The following SIPA1L3 variants were observed in gnomAD, a reference collection of about 807,000 sequenced individuals.
The protein encoded by SIPA1L3 is signal-induced proliferation-associated 1-like protein 3.
SIPA1L3 carries 59 observed loss-of-function variants against 150.1 expected under a neutral mutation model. The ratio of observed to expected loss-of-function variants is 0.39; its 90% CI spans 0.32 to 0.49. SIPA1L3 has a LOEUF of 0.49. Ranked by LOEUF, SIPA1L3 falls within the 20% of genes least tolerant of loss-of-function variation. The pLI is 0.86. For missense variants in SIPA1L3, 2,211 were observed against 2,489.5 expected, an observed-to-expected ratio of 0.89 and a Z score of 2.38; for synonymous variants, 1,070 against 1,077.6, an observed-to-expected ratio of 0.99 and a Z score of 0.14.
chr19:38,065,424 T>C (rs1969550068), intron 2 of SIPA1L3, among the ~76,000 whole-genome samples: 1 of 151,542 alleles, frequency 6.6e-6, no homozygotes. Flanking sequence ...TTTTTTTTTT[T>C]TTTTTTTTAA....
chr19:38,121,782 T>C (rs544212005), intron 9 of SIPA1L3, among the ~76,000 whole-genome samples: 110 of 151,936 alleles, frequency 7.2e-4, no homozygotes, highest in African/African-American at 2.5e-3. Flanking sequence ...TAGCTGGGCA[T>C]GGTGGTGCAC....
At chr19:38,114,702 A>G (rs1970843027) in intron 8 of SIPA1L3, among the ~76,000 whole-genome samples, 1 of 152,174 alleles carries the variant, frequency 6.6e-6, no homozygotes, top group Admixed American at 6.6e-5. Context: ...TCCATGTTTA[A>G]ACCATTACTT....
intron 1 of SIPA1L3, among the ~76,000 whole-genome samples, chr19:38,016,117 A>C (rs1169792387): frequency 1.3e-5 from 2 of 152,186 alleles, no homozygotes; most frequent in Non-Finnish European, 2.9e-5. Flanking sequence ...AATGATTTAG[A>C]ATTTCAAGAT....
At chr19:38,172,972 C>T (rs986336439) in intron 15 of SIPA1L3, among the ~76,000 whole-genome samples, 1 of 151,962 alleles carries the variant, frequency 6.6e-6, no homozygotes, top group Admixed American at 6.6e-5. Flanking sequence ...TGTGGTGGCA[C>T]ACGCATGTTG....
chr19:37,950,280 G>A (rs1369879171), intron 1 of SIPA1L3, among the ~76,000 whole-genome samples: 1 of 152,102 alleles, frequency 6.6e-6, no homozygotes, highest in South Asian at 2.1e-4. Context: ...CTCAGTCTGA[G>A]CCTGATACAC....
At chr19:37,991,743 C>T (rs552272447) in intron 1 of SIPA1L3, among the ~76,000 whole-genome samples, 21 of 152,340 alleles carry the variant, frequency 1.4e-4, no homozygotes, top group African/African-American at 4.8e-4. Context: ...GCACAGATGA[C>T]CCTCCACCTG....
At chr19:38,152,566 G>A (rs764445938) in intron 12 of SIPA1L3, among the ~76,000 whole-genome samples, 9 of 152,178 alleles carry the variant, frequency 5.9e-5, no homozygotes, top group East Asian at 3.9e-4. Context: ...CGGCCCAAGC[G>A]GCCTCTGCCC....
At chr19:38,157,342 A>G (rs1971971873) in intron 13 of SIPA1L3, among the ~76,000 whole-genome samples, 1 of 152,182 alleles carries the variant, frequency 6.6e-6, no homozygotes, top group Non-Finnish European at 1.5e-5. Flanking sequence ...TCAGGAACAC[A>G]ACAGGGTGGG....
chr19:37,947,001 C>T (rs886301676), intron 1 of SIPA1L3, among the ~76,000 whole-genome samples: 4 of 151,860 alleles, frequency 2.6e-5, no homozygotes, highest in African/African-American at 7.3e-5. Context: ...TGACACCAGC[C>T]TTGGCAACAT....
chr19:38,071,235 A>ATCTATCTATCTATCTATCTATCTGTCTG (rs1568532247), intron 2 of SIPA1L3, among the ~76,000 whole-genome samples: 2 of 151,540 alleles, frequency 1.3e-5, no homozygotes, highest in African/African-American at 4.9e-5. Flanking sequence ...CTATCTATCT[A>ATCTATCTATCTATCTATCTATCTGTCTG]TCTATCTATC....
intron 3 of SIPA1L3, among the ~76,000 whole-genome samples, chr19:38,084,325 G>A (rs568032650): frequency 6.6e-5 from 10 of 152,062 alleles, no homozygotes; most frequent in Non-Finnish European, 1.3e-4. Context: ...TAAGCATGTG[G>A]GAGTTATAGC....
intron 1 of SIPA1L3, among the ~76,000 whole-genome samples, chr19:38,002,852 A>G (rs1385035853): frequency 1.3e-5 from 2 of 150,448 alleles, no homozygotes; most frequent in African/African-American, 4.9e-5. Context: ...TGCTGTTAAC[A>G]CTGGTGTGCT....
chr19:38,020,735 T>C (rs1968354965), intron 1 of SIPA1L3, among the ~76,000 whole-genome samples: 2 of 152,218 alleles, frequency 1.3e-5, no homozygotes, highest in East Asian at 3.8e-4. Flanking sequence ...CCAGGTCATC[T>C]TTCTAGCTGC....
chr19:38,205,998 A>G (rs1973201434), intron 21 of SIPA1L3, 99 bp from the exon 22 acceptor site: 1 of 1,377,872 alleles, frequency 7.3e-7, no homozygotes, highest in African/African-American at 1.5e-5. Flanking sequence ...TTGGCTCCAA[A>G]GCACAGCCGG....
At chr19:38,051,069 G>A (rs1009005553) in intron 2 of SIPA1L3, among the ~76,000 whole-genome samples, 16 of 152,122 alleles carry the variant, frequency 1.1e-4, no homozygotes, top group South Asian at 2.1e-4. Context: ...AAAAAGAAAA[G>A]AAAATATATG....
intron 1 of SIPA1L3, among the ~76,000 whole-genome samples, chr19:37,953,280 T>G (rs992849173): frequency 2.6e-5 from 4 of 152,194 alleles, no homozygotes; most frequent in African/African-American, 7.2e-5. Flanking sequence ...TGACCCAGCC[T>G]TGCACACTGG....
At chr19:38,172,332 G>A (rs1972346225) in intron 15 of SIPA1L3, among the ~76,000 whole-genome samples, 1 of 152,200 alleles carries the variant, frequency 6.6e-6, no homozygotes, top group South Asian at 2.1e-4. Context: ...AGCCAGCGGG[G>A]ACTGATTCTT....
intron 10 of SIPA1L3, among the ~76,000 whole-genome samples, chr19:38,139,337 G>A (rs897931374): frequency 6.6e-6 from 1 of 152,176 alleles, no homozygotes; most frequent in Non-Finnish European, 1.5e-5. Context: ...GCTAATACCT[G>A]GAGCCAGGAA....
rs113118361 is a variant in SIPA1L3, at chr19:38,089,710, G to A, written c.1665+859G>A. Reference sequence around the variant, plus strand: ...TCCCCTGGATTAAATGTCAACTGTAGCTAGTGAGGAAGGCCTGTTGGGGCA... The same window carrying A: ...TCCCCTGGATTAAATGTCAACTGTAACTAGTGAGGAAGGCCTGTTGGGGCA... On this transcript the variant is annotated intron_variant, in intron 4 of 21. Coordinates refer to ENST00000222345, the MANE Select transcript of SIPA1L3 (RefSeq NM_015073.3). Among the ~76,000 whole-genome samples, 172 of 152,366 alleles carry A rather than the reference G, an allele frequency of 1.1e-3. 1 individual carries two copies. The highest frequency in any genetic ancestry group is 3.9e-3 in the African/African-American group (161 of 41,580).
Sources: allele counts gnomAD v4.1 joint callset (sites outside exome capture counted in the v4.1 genomes callset), GRCh38; gene constraint gnomAD v4.1.1; transcripts MANE v1.5; gene names NCBI Gene and HGNC (gene_info 2026-07-23, HGNC 2026-07-21).